WDR64: variants seen among roughly 807,000 people sequenced by gnomAD.
The protein encoded by WDR64 is WD repeat domain 64, also known as WD repeat-containing protein 64.
In WDR64, 112 loss-of-function variants were observed where a neutral mutation model predicts 139.3. That is an observed-to-expected ratio of 0.80 (90% CI 0.69 to 0.94). The LOEUF (loss-of-function observed/expected upper bound fraction) is 0.94. WDR64 is among the 40% of genes least tolerant of loss of function. WDR64 has a pLI of 0.00. For missense variants in WDR64, 1,206 were observed against 1,293.1 expected, an observed-to-expected ratio of 0.93 and a Z score of 1.03; for synonymous variants, 444 against 437.7, an observed-to-expected ratio of 1.01 and a Z score of -0.18.
At chr1:241,734,670 C>T (rs1374966272) in intron 10 of WDR64, among the ~76,000 whole-genome samples, 1 of 151,992 alleles carries the variant, frequency 6.6e-6, no homozygotes, top group Non-Finnish European at 1.5e-5. Context: ...GTCAAATAGG[C>T]TGTGGTTCTT....
chr1:241,783,001 G>T (rs1015973630), intron 22 of WDR64, among the ~76,000 whole-genome samples: 2 of 151,948 alleles, frequency 1.3e-5, no homozygotes, highest in African/African-American at 4.8e-5. Context: ...TAAATGAATC[G>T]CTAATTCTCA....
chr1:241,770,534 G>A (rs1279676328), intron 17 of WDR64, 87 bp from the exon 18 acceptor site: 3 of 1,187,766 alleles, frequency 2.5e-6, no homozygotes, highest in African/African-American at 1.5e-5. Context: ...GAAGCAATCA[G>A]CTGAAATTAA....
At chr1:241,709,307 A>G (rs1247078476) in intron 8 of WDR64, among the ~76,000 whole-genome samples, 2 of 152,108 alleles carry the variant, frequency 1.3e-5, no homozygotes, top group Non-Finnish European at 2.9e-5. Context: ...CTTCATATTG[A>G]GAAATATGAA....
intron 6 of WDR64, 142 bp from the exon 7 acceptor site, chr1:241,683,345 G>GT (rs1491522197): frequency 2.9e-5 from 22 of 765,390 alleles, no homozygotes; most frequent in Non-Finnish European, 4.1e-5. Context: ...TGGTTAACTG[G>GT]TTTTTTTCTC....
chr1:241,761,366 C>G (rs1043356140), intron 15 of WDR64, among the ~76,000 whole-genome samples: 1 of 151,962 alleles, frequency 6.6e-6, no homozygotes, highest in Non-Finnish European at 1.5e-5. Flanking sequence ...TAATATAGCC[C>G]CAAACTTACC....
At chr1:241,672,085 G>A (rs1050222465) in intron 3 of WDR64, among the ~76,000 whole-genome samples, 2 of 152,154 alleles carry the variant, frequency 1.3e-5, no homozygotes, top group East Asian at 3.9e-4. Flanking sequence ...TGAGGCAGAA[G>A]AATCACTTGA....
At chr1:241,665,593 G>T (rs183098706) in intron 2 of WDR64, among the ~76,000 whole-genome samples, 141 of 152,150 alleles carry the variant, frequency 9.3e-4, no homozygotes, top group African/African-American at 3.3e-3. Flanking sequence ...GAAATTCATA[G>T]AATAATGAAA....
Position 241,673,791 on chromosome 1 carries a change from A to G in WDR64, c.380-853A>G, listed in dbSNP as rs1434170817. Among the ~76,000 whole-genome samples the G allele has an allele frequency of 5.9e-5, 9 of 152,290 alleles. No individual in the cohort carries two copies. In the East Asian group the frequency reaches 1.7e-3, roughly 29 times the overall value. On this transcript the variant is annotated intron_variant, in intron 3 of 27. Coordinates refer to ENST00000437684, the MANE Select transcript of WDR64 (RefSeq NM_001367482.1). Reference sequence around the variant, plus strand: ...TATATATGGCTTTATCATTCAGTGCATGGCCATAGAAACATAAAAGTGTCT... The same window carrying G: ...TATATATGGCTTTATCATTCAGTGCGTGGCCATAGAAACATAAAAGTGTCT...
At chr1:241,695,973 G>C (rs931813334) in intron 8 of WDR64, among the ~76,000 whole-genome samples, 1 of 151,598 alleles carries the variant, frequency 6.6e-6, no homozygotes, top group African/African-American at 2.4e-5. Flanking sequence ...AATTAGCCAG[G>C]TATGGTGGCA....
intron 1 of WDR64, among the ~76,000 whole-genome samples, chr1:241,659,542 C>T (rs540095869): frequency 1.3e-5 from 2 of 152,298 alleles, no homozygotes; most frequent in African/African-American, 4.8e-5. Flanking sequence ...TAAAAGCCTT[C>T]CTTTTTCTCC....
At chr1:241,677,897 A>T (rs921803911) in intron 4 of WDR64, among the ~76,000 whole-genome samples, 1 of 152,324 alleles carries the variant, frequency 6.6e-6, no homozygotes, top group Non-Finnish European at 1.5e-5. Context: ...AACTAAAAAA[A>T]ATATGATGTA....
At chr1:241,747,307 A>G (rs575275186) in intron 13 of WDR64, among the ~76,000 whole-genome samples, 1 of 152,342 alleles carries the variant, frequency 6.6e-6, no homozygotes, top group African/African-American at 2.4e-5. Flanking sequence ...AAAAACTGGT[A>G]AAATCTGGAC....
chr1:241,654,526 G>A (rs187217662), intron 1 of WDR64, among the ~76,000 whole-genome samples: 38 of 152,248 alleles, frequency 2.5e-4, no homozygotes, highest in African/African-American at 7.2e-4. Context: ...CTTATCCTGC[G>A]TCTTTCATCA....
intron 2 of WDR64, 104 bp downstream of exon 2, chr1:241,660,764 A>G (rs1459070068): frequency 1.6e-6 from 2 of 1,282,404 alleles, no homozygotes; most frequent in East Asian, 2.5e-5. Flanking sequence ...TTGAACCACA[A>G]CGTGCATGTG....
intron 4 of WDR64, among the ~76,000 whole-genome samples, chr1:241,675,290 C>T (rs1666507938): frequency 1.5e-5 from 2 of 135,342 alleles, no homozygotes; most frequent in South Asian, 5.2e-4. Flanking sequence ...CTCTCCTCCT[C>T]CCCTCCTCTC....
chr1:241,706,151 G>A (rs377160934), intron 8 of WDR64, among the ~76,000 whole-genome samples: 12 of 151,968 alleles, frequency 7.9e-5, no homozygotes, highest in Admixed American at 2.0e-4. Flanking sequence ...ATATTTCCAC[G>A]GGCCCCTAAA....
intron 20 of WDR64, among the ~76,000 whole-genome samples, chr1:241,773,837 T>C (rs558429557): frequency 9.4e-4 from 143 of 152,332 alleles, no homozygotes; most frequent in Non-Finnish European, 1.7e-3. Flanking sequence ...GCTACAAATA[T>C]ATGCCACTAA....
intron 20 of WDR64, among the ~76,000 whole-genome samples, chr1:241,774,343 T>C (rs556303142): frequency 6.6e-6 from 1 of 152,342 alleles, no homozygotes; most frequent in East Asian, 1.9e-4. Flanking sequence ...ATAATAACTT[T>C]CCTTGAGATA....
intron 13 of WDR64, among the ~76,000 whole-genome samples, chr1:241,746,230 G>A (rs116638845): frequency 6.6e-6 from 1 of 152,078 alleles, no homozygotes; most frequent in Non-Finnish European, 1.5e-5. Context: ...TCTGGGTGTC[G>A]AGCAGGATTC....
Sources: allele counts gnomAD v4.1 joint callset (sites outside exome capture counted in the v4.1 genomes callset), GRCh38; gene constraint gnomAD v4.1.1; transcripts MANE v1.5; gene names NCBI Gene and HGNC (gene_info 2026-07-23, HGNC 2026-07-21).